The following MAP2K1 variants were observed in gnomAD, a reference collection of about 807,000 sequenced individuals.
The protein encoded by MAP2K1 is dual specificity mitogen-activated protein kinase kinase 1.
A neutral mutation model predicts 46.3 loss-of-function variants in MAP2K1; 16 were observed. The observed-to-expected ratio is 0.35, with a 90% confidence interval of 0.23 to 0.52. The LOEUF (loss-of-function observed/expected upper bound fraction) is 0.52. Ranked by LOEUF, MAP2K1 falls within the 20% of genes least tolerant of loss-of-function variation. MAP2K1 has a pLI of 0.94. For missense variants in MAP2K1, 263 were observed against 497.1 expected (o/e 0.53, Z 4.48); for synonymous variants, 183 against 185.6 (o/e 0.99, Z 0.11).
intron 3 of MAP2K1, among the ~76,000 whole-genome samples, chr15:66,441,341 C>T (rs1196589872): frequency 6.6e-6 from 1 of 152,188 alleles, no homozygotes; most frequent in Non-Finnish European, 1.5e-5. Flanking sequence ...GTTATCTGGG[C>T]TGCCCCCTGT....
At chr15:66,434,282 G>A (rs759003260) in intron 1 of MAP2K1, among the ~76,000 whole-genome samples, 18 of 152,080 alleles carry the variant, frequency 1.2e-4, no homozygotes, top group Admixed American at 6.5e-4. Context: ...TACTCTGCAA[G>A]TAATCACAAT....
intron 5 of MAP2K1, among the ~76,000 whole-genome samples, chr15:66,456,768 T>TGGTAC (rs1439383266): frequency 6.6e-6 from 1 of 152,220 alleles, no homozygotes; most frequent in Non-Finnish European, 1.5e-5. Flanking sequence ...CTCACCCCTG[T>TGGTAC]GGTACAACAG....
intron 5 of MAP2K1, among the ~76,000 whole-genome samples, chr15:66,462,496 CAAAA>C (rs551065737): frequency 4.1e-5 from 3 of 72,898 alleles, no homozygotes; most frequent in Non-Finnish European, 2.9e-5. Flanking sequence ...GACTCTGTCT[CAAAA>C]AAAAAAAAAA....
At chr15:66,462,766 G>A (rs1022442623) in intron 5 of MAP2K1, among the ~76,000 whole-genome samples, 2 of 152,100 alleles carry the variant, frequency 1.3e-5, no homozygotes, top group Non-Finnish European at 2.9e-5. Flanking sequence ...GTTTCAGTGA[G>A]GATTCTTGGT....
At position 66,489,741 on chromosome 15, in the gene MAP2K1, GAGC is replaced by G; in HGVS notation, c.1049_1051del (p.Ala350del). 6.2e-7 allele frequency: 1 copy of G among 1,614,000 alleles called. No homozygotes were observed. Among genetic ancestry groups the G allele is most frequent in the Non-Finnish European group, 8.5e-7 (1 of 1,179,836 alleles). On this transcript the variant is annotated inframe_deletion, in exon 10 of 11. Transcript: ENST00000307102. ...AGCTTAATAAAAAACCCCGCAGAGA[GAGC>G]AGATTTGAAGCAACTCATGGTGAGT...
At chr15:66,466,874 TC>T (rs772866899) in intron 5 of MAP2K1, among the ~76,000 whole-genome samples, 10 of 152,144 alleles carry the variant, frequency 6.6e-5, no homozygotes, top group Non-Finnish European at 8.8e-5. Context: ...TCTCCATGAG[TC>T]ATGAAAGTTT....
rs370379739 is a variant in MAP2K1, at chr15:66,469,472, CTTTTTTTTTTT to C, written c.569-12266_569-12256del. 4.6e-3 allele frequency among the ~76,000 whole-genome samples: 351 copies of C among 76,650 alleles called. 3 individuals are homozygous for C. The highest frequency in any genetic ancestry group is 0.018 in the African/African-American group (327 of 18,022). The allele number at this position is 76,650 out of a possible 152,430, so 50.3% of individuals were successfully genotyped here. On this transcript the variant is annotated intron_variant, in intron 5 of 10. Transcript: ENST00000307102. ...TCCCCCAAAGGGAGTCTGGTGCCTC[CTTTTTTTTTTT>C]TTTTTTTTTTTTTTTTGTTGAGGAA...
intron 6 of MAP2K1, among the ~76,000 whole-genome samples, chr15:66,483,756 T>TC (rs1892970265): frequency 1.3e-5 from 2 of 150,188 alleles, no homozygotes; most frequent in African/African-American, 4.9e-5. Context: ...TTCTTTTTTT[T>TC]TTTTTTTTTG....
rs35205995 is a variant in MAP2K1 at position 66,457,963 on chromosome 15, G to GAA, written c.568+13270_568+13271dup. On this transcript the variant is annotated intron_variant, in intron 5 of 10. Coordinates refer to ENST00000307102, the MANE Select transcript of MAP2K1 (RefSeq NM_002755.4). ...GGGTAACAAGAGCAAGACTGTCTCA[G>GAA]AAAAAAAAAAAAAAAGAATTTAAAC... Among the ~76,000 whole-genome samples the GAA allele has an allele frequency of 5.5e-4, 63 of 114,158 alleles. 1 individual carries two copies. Among genetic ancestry groups the GAA allele is most frequent in the Admixed American group, 1.8e-3 (20 of 10,934 alleles). The allele number at this position is 114,158 out of a possible 152,430, so 74.9% of individuals were successfully genotyped here.
intron 1 of MAP2K1, among the ~76,000 whole-genome samples, chr15:66,428,965 A>G (rs893517234): frequency 6.6e-6 from 1 of 151,710 alleles, no homozygotes; most frequent in African/African-American, 2.4e-5. Flanking sequence ...TTTTTTGTAG[A>G]GATGGGGTTT....
At chr15:66,414,503 C>G (rs1466759177) in intron 1 of MAP2K1, among the ~76,000 whole-genome samples, 2 of 152,142 alleles carry the variant, frequency 1.3e-5, no homozygotes, top group African/African-American at 4.8e-5. Flanking sequence ...GTGTCTTCAC[C>G]TCTTGGAATC....
intron 1 of MAP2K1, among the ~76,000 whole-genome samples, chr15:66,426,580 G>C (rs1414794916): frequency 6.6e-6 from 1 of 152,138 alleles, no homozygotes; most frequent in African/African-American, 2.4e-5. Context: ...GAAGAGGAAG[G>C]CATCTAAGAA....
intron 8 of MAP2K1, among the ~76,000 whole-genome samples, chr15:66,487,789 A>T: frequency 6.6e-6 from 1 of 152,062 alleles, no homozygotes; most frequent in South Asian, 2.1e-4. Flanking sequence ...AGGAGTCAGA[A>T]AAAAAGCCAT....
Position 66,423,777 on chromosome 15 carries a change from T to G in MAP2K1, c.81-11250T>G, listed in dbSNP as rs527519696. ...CATGCACCACCATGCCCGGCTAATT[T>G]TGTATTTTTAGTAGAGATGGGGTTT... On this transcript the variant is annotated intron_variant, in intron 1 of 10. Coordinates refer to ENST00000307102, the MANE Select transcript of MAP2K1 (RefSeq NM_002755.4). Among the ~76,000 whole-genome samples the G allele has an allele frequency of 1.6e-3, 250 of 151,896 alleles. 1 individual carries two copies. The highest frequency in any genetic ancestry group is 0.01 in the Middle Eastern group (3 of 292).
chr15:66,486,961 T>G (rs565556021), intron 7 of MAP2K1, among the ~76,000 whole-genome samples: 1 of 152,334 alleles, frequency 6.6e-6, no homozygotes, highest in East Asian at 1.9e-4. Flanking sequence ...ACATAATTAT[T>G]ATGTCTCTGC....
At chr15:66,459,644 T>A (rs947050195) in intron 5 of MAP2K1, among the ~76,000 whole-genome samples, 91 of 151,706 alleles carry the variant, frequency 6.0e-4, no homozygotes, top group African/African-American at 2.1e-3. Context: ...TTTTTTTGTA[T>A]CCTTTTCCTG....
At chr15:66,429,408 CA>C (rs2093468529) in intron 1 of MAP2K1, among the ~76,000 whole-genome samples, 1 of 152,172 alleles carries the variant, frequency 6.6e-6, no homozygotes, top group Non-Finnish European at 1.5e-5. Context: ...CTCCCTCTCT[CA>C]ACACATGGGG....
chr15:66,389,821 C>T (rs1482275107), intron 1 of MAP2K1, among the ~76,000 whole-genome samples: 1 of 152,060 alleles, frequency 6.6e-6, no homozygotes, highest in African/African-American at 2.4e-5. Flanking sequence ...ATCCTCCCAC[C>T]TCAGCCTCCT....
intron 1 of MAP2K1, among the ~76,000 whole-genome samples, chr15:66,391,551 C>T (rs893923035): frequency 1.3e-5 from 2 of 152,140 alleles, no homozygotes; most frequent in South Asian, 2.1e-4. Flanking sequence ...GGATTACAGG[C>T]GTGAGCCACT....
Sources: gnomAD v4.1 joint callset for allele counts (sites outside exome capture counted in the v4.1 genomes callset) on GRCh38, gnomAD v4.1.1 for gene constraint, MANE v1.5 for transcripts, NCBI Gene and HGNC (gene_info 2026-07-23, HGNC 2026-07-21) for gene names.